The following ZNF385D variants were observed in gnomAD, a reference collection of about 807,000 sequenced individuals.
ZNF385D encodes zinc finger protein 659.
In ZNF385D, 15 loss-of-function variants were observed where a neutral mutation model predicts 35.8. The ratio of observed to expected loss-of-function variants is 0.42; its 90% CI spans 0.28 to 0.64. The LOEUF (loss-of-function observed/expected upper bound fraction) is 0.64. Ranked by LOEUF, ZNF385D falls within the 30% of genes least tolerant of loss-of-function variation. The pLI, the probability that ZNF385D is intolerant of heterozygous loss-of-function variation, is 0.23. For synonymous variants in ZNF385D, 212 were observed against 186.8 expected (o/e 1.13, Z -1.10); for missense variants, 474 against 494.6 (o/e 0.96, Z 0.39).
intron 3 of ZNF385D, among the ~76,000 whole-genome samples, chr3:22,028,379 G>C (rs183362891): frequency 6.6e-6 from 1 of 152,168 alleles, no homozygotes; most frequent in African/African-American, 2.4e-5. Flanking sequence ...TGGAGGTTAC[G>C]CATGGGCTCA....
chr3:21,862,757 G>A (rs1697127767), intron 3 of ZNF385D, among the ~76,000 whole-genome samples: 1 of 152,128 alleles, frequency 6.6e-6, no homozygotes, highest in Non-Finnish European at 1.5e-5. Flanking sequence ...TTCTTTTTCT[G>A]TTAGCACGGT....
chr3:22,076,992 A>G (rs1700496232), intron 3 of ZNF385D, among the ~76,000 whole-genome samples: 1 of 151,978 alleles, frequency 6.6e-6, no homozygotes, highest in Non-Finnish European at 1.5e-5. Flanking sequence ...CTTCCAATTT[A>G]TAAGGACTCT....
intron 2 of ZNF385D, among the ~76,000 whole-genome samples, chr3:22,296,747 C>T (rs1314977433): frequency 6.6e-6 from 1 of 152,066 alleles, no homozygotes; most frequent in East Asian, 1.9e-4. Context: ...TGTGGCCTCT[C>T]CCTAAGGTTA....
chr3:21,485,954 C>T (rs1339432754), intron 4 of ZNF385D, among the ~76,000 whole-genome samples: 1 of 150,662 alleles, frequency 6.6e-6, no homozygotes, highest in African/African-American at 2.4e-5. Flanking sequence ...CTTTTAGGCA[C>T]ACCTCACAGT....
intron 4 of ZNF385D, among the ~76,000 whole-genome samples, chr3:21,498,435 T>C (rs991996114): frequency 5.3e-5 from 8 of 152,070 alleles, no homozygotes; most frequent in Non-Finnish European, 7.4e-5. Flanking sequence ...ACCTACAGAA[T>C]GGAAGAATAT....
intron 3 of ZNF385D, among the ~76,000 whole-genome samples, chr3:21,897,950 T>C (rs1194916664): frequency 1.3e-5 from 2 of 152,264 alleles, no homozygotes; most frequent in East Asian, 1.9e-4. Context: ...AACTGAACCA[T>C]CTAGCTTCCA....
At chr3:21,772,786 C>A (rs2071130960) in intron 3 of ZNF385D, among the ~76,000 whole-genome samples, 1 of 151,870 alleles carries the variant, frequency 6.6e-6, no homozygotes, top group East Asian at 1.9e-4. Flanking sequence ...TTCACAATTG[C>A]TAAAATCTGG....
chr3:21,953,341 G>GA (rs200404174), intron 3 of ZNF385D, among the ~76,000 whole-genome samples: 1,526 of 151,672 alleles, frequency 0.01, 79 homozygotes, highest in Admixed American at 0.09. Context: ...AAAATATCTG[G>GA]AAAAAACGTA....
chr3:22,155,195 T>TA (rs1705508170), intron 3 of ZNF385D, among the ~76,000 whole-genome samples: 2 of 152,146 alleles, frequency 1.3e-5, no homozygotes, highest in Admixed American at 1.3e-4. Context: ...TGTGTATCAA[T>TA]AAAAATAAAT....
intron 1 of ZNF385D, among the ~76,000 whole-genome samples, chr3:21,677,353 A>T (rs370440923): frequency 6.6e-6 from 1 of 152,078 alleles, no homozygotes; most frequent in African/African-American, 2.4e-5. Flanking sequence ...TGTGAATTGC[A>T]GCCTAAATAT....
At chr3:22,110,369 CA>C (rs1300656586) in intron 3 of ZNF385D, among the ~76,000 whole-genome samples, 1 of 151,880 alleles carries the variant, frequency 6.6e-6, no homozygotes, top group African/African-American at 2.4e-5. Context: ...TTCACAATAG[CA>C]AAGACTTGGA....
At chr3:22,319,799 C>T (rs1694315079) in intron 2 of ZNF385D, among the ~76,000 whole-genome samples, 2 of 152,252 alleles carry the variant, frequency 1.3e-5, no homozygotes, top group African/African-American at 4.8e-5. Flanking sequence ...CACAACTTTC[C>T]TTAATTTGGG....
At chr3:21,845,471 C>T (rs1575764479) in intron 3 of ZNF385D, among the ~76,000 whole-genome samples, 1 of 151,924 alleles carries the variant, frequency 6.6e-6, no homozygotes, top group East Asian at 1.9e-4. Context: ...AATCTACTCC[C>T]TCAGCTGATA....
At chr3:21,515,185 G>A (rs1707479618) in intron 3 of ZNF385D, among the ~76,000 whole-genome samples, 1 of 152,112 alleles carries the variant, frequency 6.6e-6, no homozygotes, top group African/African-American at 2.4e-5. Flanking sequence ...TTTGAAACAT[G>A]CTCATGCACA....
chr3:22,035,171 G>A (rs921582153), intron 3 of ZNF385D, among the ~76,000 whole-genome samples: 13 of 152,142 alleles, frequency 8.5e-5, no homozygotes, highest in African/African-American at 3.1e-4. Context: ...TAAATCACTT[G>A]TATCATTTAG....
chr3:22,031,270 C>T (rs1320723188), intron 3 of ZNF385D, among the ~76,000 whole-genome samples: 1 of 152,196 alleles, frequency 6.6e-6, no homozygotes, highest in Non-Finnish European at 1.5e-5. Flanking sequence ...TCTGTGGGGG[C>T]TCCAAGCCCA....
chr3:21,447,102 G>T (rs911883854), intron 4 of ZNF385D, among the ~76,000 whole-genome samples: 8 of 152,260 alleles, frequency 5.3e-5, no homozygotes, highest in African/African-American at 9.6e-5. Flanking sequence ...AGGTAAGATT[G>T]TTAGGCCTTG....
chr3:22,269,491 T>C (rs1701064981), intron 2 of ZNF385D, among the ~76,000 whole-genome samples: 1 of 151,882 alleles, frequency 6.6e-6, no homozygotes, highest in Non-Finnish European at 1.5e-5. Flanking sequence ...CCAAGGAAGT[T>C]TAGGTCCTGT....
intron 3 of ZNF385D, among the ~76,000 whole-genome samples, chr3:22,122,075 T>C (rs1319795961): frequency 6.6e-6 from 1 of 152,132 alleles, no homozygotes; most frequent in Non-Finnish European, 1.5e-5. Flanking sequence ...TGCACAAATA[T>C]CGTCTCAGCC....
Sources: gnomAD v4.1 joint callset for allele counts (sites outside exome capture counted in the v4.1 genomes callset) on GRCh38, gnomAD v4.1.1 for gene constraint, MANE v1.5 for transcripts, NCBI Gene and HGNC (gene_info 2026-07-23, HGNC 2026-07-21) for gene names.